The following EYA4 variants were observed in gnomAD, a reference collection of about 807,000 sequenced individuals.
EYA4 encodes protein phosphatase EYA4.
In EYA4, 31 loss-of-function variants were observed where a neutral mutation model predicts 87.9. The observed-to-expected ratio is 0.35, with a 90% CI of 0.27 to 0.48. The LOEUF (loss-of-function observed/expected upper bound fraction) is 0.48. Among genes scored for constraint, EYA4 ranks in the 20% least tolerant of loss-of-function variants. The probability of loss-of-function intolerance (pLI) is 0.99; values close to 1 mark genes in which losing one functional copy is unlikely to be tolerated. For missense variants in EYA4, 678 were observed against 761.4 expected (o/e 0.89, Z 1.29); for synonymous variants, 263 against 270.6 (o/e 0.97, Z 0.28).
chr6:133,413,332 G>A (rs1789409626), intron 3 of EYA4, among the ~76,000 whole-genome samples: 1 of 151,850 alleles, frequency 6.6e-6, no homozygotes, highest in Non-Finnish European at 1.5e-5. Context: ...CCTGTCTATT[G>A]TGCCTCATTC....
In EYA4 at chr6:133,395,406, A is replaced by G. The variant is rs558476996; in HGVS notation, c.83+12965A>G. Among the ~76,000 whole-genome samples, 4 of 152,274 alleles carry G rather than the reference A, an allele frequency of 2.6e-5. No homozygotes were observed. The East Asian group carries it at 5.8e-4, about 22-fold the overall frequency. On this transcript the variant is annotated intron_variant, in intron 3 of 19. Coordinates refer to ENST00000355286, the MANE Select transcript of EYA4 (RefSeq NM_004100.5). The stretch of plus-strand genomic sequence containing the variant: ...TCAAGTCTTTACCTACACTAGTCGC[A>G]CTACCGTATGCCATATAAGAAGGTT...
intron 3 of EYA4, among the ~76,000 whole-genome samples, chr6:133,432,609 CT>C (rs1282047663): frequency 6.6e-6 from 1 of 151,926 alleles, no homozygotes; most frequent in Non-Finnish European, 1.5e-5. Flanking sequence ...TCAACCATTG[CT>C]TGCTATGGAG....
intron 2 of EYA4, among the ~76,000 whole-genome samples, chr6:133,365,995 A>T (rs1357844085): frequency 6.6e-6 from 1 of 152,360 alleles, no homozygotes; most frequent in Non-Finnish European, 1.5e-5. Context: ...TGATAAATGG[A>T]TGCCAAATAG....
intron 1 of EYA4, among the ~76,000 whole-genome samples, chr6:133,258,396 A>G (rs1334050335): frequency 6.6e-6 from 1 of 152,084 alleles, no homozygotes; most frequent in South Asian, 2.1e-4. Flanking sequence ...TCTTTTTCTT[A>G]CTAGTTTAAC....
At chr6:133,460,772 A>T (rs1440840478) in intron 6 of EYA4, among the ~76,000 whole-genome samples, 1 of 152,108 alleles carries the variant, frequency 6.6e-6, no homozygotes, top group African/African-American at 2.4e-5. Context: ...TAAAGTTTGC[A>T]AATTTTAAAA....
chr6:133,401,521 T>C (rs559028714), intron 3 of EYA4, among the ~76,000 whole-genome samples: 10 of 152,306 alleles, frequency 6.6e-5, no homozygotes, highest in African/African-American at 2.4e-4. Flanking sequence ...GTCCTTCTGT[T>C]ACGTACCAAC....
chr6:133,241,953 C>G (rs560581849), intron 1 of EYA4, among the ~76,000 whole-genome samples: 1 of 152,166 alleles, frequency 6.6e-6, no homozygotes, highest in Non-Finnish European at 1.5e-5. Context: ...CCTGAGGGCC[C>G]GGGCCGCTCG....
chr6:133,339,166 AG>A lies in EYA4; in HGVS notation c.34-43223del, dbSNP rs554577762. On this transcript the variant is annotated intron_variant, in intron 2 of 19. Transcript: ENST00000355286. Reference sequence around the variant, plus strand: ...TGGTGAGAGTTTGGATAGCCTGTATAGGGAACTAGCTAAGTAGTTGGGAAAA... The same window carrying A: ...TGGTGAGAGTTTGGATAGCCTGTATAGGAACTAGCTAAGTAGTTGGGAAAA... 2.0e-3 allele frequency among the ~76,000 whole-genome samples: 308 copies of A among 152,332 alleles called. 4 individuals carry two copies. Among genetic ancestry groups the A allele is most frequent in the Non-Finnish European group, 1.8e-3 (120 of 68,032 alleles).
rs73559674 is a variant in EYA4, at chr6:133,390,401, T to C, written c.83+7960T>C. On this transcript the variant is annotated intron_variant, in intron 3 of 19. Transcript: ENST00000355286. ...CACACCCGCCTACTTTTTGTATCTT[T>C]AGTTGAGGTGGGGTTTTGTCATCCT... is the stretch of plus-strand genomic sequence containing the variant. 3.7e-3 allele frequency among the ~76,000 whole-genome samples: 563 copies of C among 152,206 alleles called. 5 individuals are homozygous for C. Among genetic ancestry groups the C allele is most frequent in the African/African-American group, 0.013 (536 of 41,538 alleles).
chr6:133,462,259 G>A, intron 7 of EYA4, 76 bp from the exon 8 acceptor site: 1 of 1,452,440 alleles, frequency 6.9e-7, no homozygotes, highest in Non-Finnish European at 9.7e-7. Context: ...ATATTATAGG[G>A]TTTCACTGAA....
At chr6:133,385,413 G>C (rs867033579) in intron 3 of EYA4, among the ~76,000 whole-genome samples, 3 of 144,334 alleles carry the variant, frequency 2.1e-5, no homozygotes, top group Non-Finnish European at 4.5e-5. Context: ...GTGTGTGTGT[G>C]TGTGTGTGTG....
intron 2 of EYA4, among the ~76,000 whole-genome samples, chr6:133,378,112 C>A (rs1785861218): frequency 6.6e-6 from 1 of 152,032 alleles, no homozygotes; most frequent in Non-Finnish European, 1.5e-5. Context: ...ATAGGTGTAC[C>A]TTTTTGTATA....
chr6:133,457,688 T>C (rs1229761739), intron 6 of EYA4, among the ~76,000 whole-genome samples: 1 of 152,204 alleles, frequency 6.6e-6, no homozygotes, highest in Non-Finnish European at 1.5e-5. Flanking sequence ...GAGACTCATA[T>C]GTACTAATCC....
rs577271435 is a variant in EYA4 at position 133,288,043 on chromosome 6, C to T, written c.33+13230C>T. On this transcript the variant is annotated intron_variant, in intron 2 of 19. Coordinates refer to ENST00000355286, the MANE Select transcript of EYA4 (RefSeq NM_004100.5). ...ACTCGGGAGGCTGAAGTAGAAGAAT[C>T]GCTGGAACCCAGGAGTCGGAGGTGG... 8.5e-5 allele frequency among the ~76,000 whole-genome samples: 13 copies of T among 152,198 alleles called. No homozygotes were observed. In the East Asian group the frequency reaches 2.5e-3, roughly 30 times the overall value.
chr6:133,316,378 T>C (rs1765773590), intron 2 of EYA4, among the ~76,000 whole-genome samples: 1 of 152,152 alleles, frequency 6.6e-6, no homozygotes, highest in African/African-American at 2.4e-5. Context: ...ACTTACATAA[T>C]AGTTACATAA....
chr6:133,339,300 T>A (rs936930228), intron 2 of EYA4, among the ~76,000 whole-genome samples: 2 of 152,158 alleles, frequency 1.3e-5, no homozygotes, highest in Non-Finnish European at 2.9e-5. Context: ...AAAGAGCTGG[T>A]AGAATGAGTG....
At chr6:133,340,447 A>G (rs922575636) in intron 2 of EYA4, among the ~76,000 whole-genome samples, 3 of 152,226 alleles carry the variant, frequency 2.0e-5, no homozygotes, top group Non-Finnish European at 4.4e-5. Flanking sequence ...TCAGATGATG[A>G]TAAGTGCTAC....
Position 133,520,750 on chromosome 6 carries a change from A to G in EYA4, c.1617-2306A>G, listed in dbSNP as rs1440582919. Among the ~76,000 whole-genome samples, 5 of 151,814 alleles carry G rather than the reference A, an allele frequency of 3.3e-5. No homozygotes were observed. In the East Asian group the frequency reaches 9.7e-4, roughly 29 times the overall value. On this transcript the variant is annotated intron_variant, in intron 17 of 19. Coordinates refer to ENST00000355286, the MANE Select transcript of EYA4 (RefSeq NM_004100.5). The stretch of plus-strand genomic sequence containing the variant: ...ACTTCAAACTATACTACAAGGCTAC[A>G]GTAACCAAAACAGCGATATAGATCA...
At chr6:133,375,909 A>G (rs1785640973) in intron 2 of EYA4, among the ~76,000 whole-genome samples, 1 of 151,892 alleles carries the variant, frequency 6.6e-6, no homozygotes, top group Non-Finnish European at 1.5e-5. Context: ...TCAGGCAATA[A>G]TTTACAACAA....
Sources: gnomAD v4.1 joint callset for allele counts (sites outside exome capture counted in the v4.1 genomes callset) on GRCh38, gnomAD v4.1.1 for gene constraint, MANE v1.5 for transcripts, NCBI Gene and HGNC (gene_info 2026-07-23, HGNC 2026-07-21) for gene names.